RAPGEF5: variants seen among roughly 807,000 people sequenced by gnomAD.
The protein encoded by RAPGEF5 is Rap guanine nucleotide exchange factor 5.
In RAPGEF5, 65 loss-of-function variants were observed where a neutral mutation model predicts 125.2. That is an observed-to-expected ratio of 0.52 (90% CI 0.43 to 0.64). The LOEUF (loss-of-function observed/expected upper bound fraction) is 0.64. Among genes scored for constraint, RAPGEF5 ranks in the 30% least tolerant of loss-of-function variants. The probability of loss-of-function intolerance (pLI) is 0.00; values close to 1 mark genes in which losing one functional copy is unlikely to be tolerated. For missense variants in RAPGEF5, 958 were observed against 1,048.1 expected, an observed-to-expected ratio of 0.91 and a Z score of 1.19; for synonymous variants, 391 against 385.9, an observed-to-expected ratio of 1.01 and a Z score of -0.16.
Position 22,180,487 on chromosome 7 carries a change from A to C in RAPGEF5, c.1204+12880T>G, listed in dbSNP as rs576298256. 1.9e-4 allele frequency among the ~76,000 whole-genome samples: 29 copies of C among 152,330 alleles called. No homozygotes were observed. The South Asian group carries it at 6.0e-3, about 32-fold the overall frequency. On this transcript the variant is annotated intron_variant, in intron 11 of 25. Transcript: ENST00000665637. The stretch of plus-strand genomic sequence containing the variant: ...GTTATGCTAGTGTCCATCAGGGCCC[A>C]GGAAATCAAGTTCAAATAAGGAATC...
At chr7:22,262,581 T>C (rs1351962537) in intron 7 of RAPGEF5, among the ~76,000 whole-genome samples, 4 of 152,178 alleles carry the variant, frequency 2.6e-5, no homozygotes, top group African/African-American at 2.4e-5. Flanking sequence ...TGAGTATTTA[T>C]TCCAGAGAAA....
intron 17 of RAPGEF5, among the ~76,000 whole-genome samples, chr7:22,151,191 G>C (rs1783615039): frequency 6.6e-6 from 1 of 152,086 alleles, no homozygotes. Context: ...ACTGGGGTTT[G>C]GTAAATGGGA....
intron 1 of RAPGEF5, among the ~76,000 whole-genome samples, chr7:22,351,207 G>A (rs1784323296): frequency 6.6e-6 from 1 of 152,078 alleles, no homozygotes; most frequent in South Asian, 2.1e-4. Flanking sequence ...CTGATCTTGA[G>A]CTATTTTTAA....
At chr7:22,166,707 T>C (rs1784178672) in intron 12 of RAPGEF5, among the ~76,000 whole-genome samples, 1 of 152,230 alleles carries the variant, frequency 6.6e-6, no homozygotes, top group Non-Finnish European at 1.5e-5. Flanking sequence ...CTTAACTGAT[T>C]CTCCTTTAAG....
chr7:22,328,464 A>G (rs1583581870), intron 1 of RAPGEF5, among the ~76,000 whole-genome samples: 1 of 152,194 alleles, frequency 6.6e-6, no homozygotes, highest in Admixed American at 6.5e-5. Flanking sequence ...CAGTGTAACA[A>G]CCTGCCATCA....
chr7:22,283,191 A>T (rs1260275670), intron 6 of RAPGEF5, among the ~76,000 whole-genome samples: 3 of 152,176 alleles, frequency 2.0e-5, no homozygotes, highest in Non-Finnish European at 2.9e-5. Context: ...AATAATACAA[A>T]TGTCAACTAA....
chr7:22,126,328 T>G (rs1467969619), intron 24 of RAPGEF5, among the ~76,000 whole-genome samples: 1 of 152,220 alleles, frequency 6.6e-6, no homozygotes, highest in African/African-American at 2.4e-5. Context: ...CTTTCTGAGA[T>G]GTCCCTCCTG....
chr7:22,314,085 G>T (rs1783536240), intron 3 of RAPGEF5, among the ~76,000 whole-genome samples: 1 of 152,212 alleles, frequency 6.6e-6, no homozygotes, highest in Admixed American at 6.5e-5. Context: ...CTATGTAAAT[G>T]TTAATGTGAT....
At chr7:22,338,945 G>A (rs1420565470) in intron 1 of RAPGEF5, among the ~76,000 whole-genome samples, 1 of 152,176 alleles carries the variant, frequency 6.6e-6, no homozygotes, top group Non-Finnish European at 1.5e-5. Context: ...CCAGCACCAG[G>A]GAAAGGCGGC....
intron 5 of RAPGEF5, among the ~76,000 whole-genome samples, chr7:22,306,999 T>C (rs1783357786): frequency 6.6e-6 from 1 of 152,228 alleles, no homozygotes; most frequent in South Asian, 2.1e-4. Flanking sequence ...TCCTCCAGTT[T>C]TGCTGTTTTT....
At chr7:22,186,188 A>G (rs2128123424) in intron 11 of RAPGEF5, among the ~76,000 whole-genome samples, 2 of 152,294 alleles carry the variant, frequency 1.3e-5, no homozygotes, top group East Asian at 1.9e-4. Flanking sequence ...CGATTTTCAC[A>G]GTTTAAGATG....
chr7:22,251,799 A>AAAAAAAAAAAT (rs1562489273), intron 7 of RAPGEF5, among the ~76,000 whole-genome samples: 1 of 149,692 alleles, frequency 6.7e-6, no homozygotes, highest in Admixed American at 6.6e-5. Flanking sequence ...AAAAAAAAAA[A>AAAAAAAAAAAT]GTGGAGGTGC....
rs1786683018 is a variant in RAPGEF5 at position 22,253,857 on chromosome 7, G to C, written c.796+13107C>G. 2.0e-5 allele frequency among the ~76,000 whole-genome samples: 3 copies of C among 152,012 alleles called. No homozygotes were observed. In the South Asian group the frequency reaches 6.2e-4, roughly 32 times the overall value. ...AATATTAGCTATGTATTTACCAAAGGATCAAGGTAAAGTCTAATATGGTGC... is the reference window on the plus strand; with the variant it reads ...AATATTAGCTATGTATTTACCAAAGCATCAAGGTAAAGTCTAATATGGTGC... On this transcript the variant is annotated intron_variant, in intron 7 of 25. Coordinates refer to ENST00000665637, the MANE Select transcript of RAPGEF5 (RefSeq NM_012294.5).
intron 9 of RAPGEF5, among the ~76,000 whole-genome samples, chr7:22,195,181 C>T (rs1785118585): frequency 6.6e-6 from 1 of 152,056 alleles, no homozygotes; most frequent in South Asian, 2.1e-4. Context: ...AGAGGATATC[C>T]CCACCCCCAA....
chr7:22,315,422 C>A lies in RAPGEF5; in HGVS notation c.337G>T (p.Val113Phe), dbSNP rs190470489. Reference sequence around the variant, plus strand: ...TCCTTTATCAGGTCAGCTGCTTGAACGATAATAATATTCCTCAATGCTCTT... The same window carrying A: ...TCCTTTATCAGGTCAGCTGCTTGAAAGATAATAATATTCCTCAATGCTCTT... ...AGRALRNIII[V>F]QAADLIKDRV... Residue 113 changes from valine to phenylalanine, a missense_variant, in exon 3 of 26, where the codon GTT becomes TTT. Coordinates refer to ENST00000665637, the MANE Select transcript of RAPGEF5 (RefSeq NM_012294.5). 1 of 1,534,748 alleles carries A rather than the reference C, an allele frequency of 6.5e-7. No homozygotes were observed. The highest frequency in any genetic ancestry group is 2.5e-5 in the East Asian group (1 of 39,790).
At chr7:22,227,089 T>G (rs897458269) in intron 8 of RAPGEF5, among the ~76,000 whole-genome samples, 3 of 151,886 alleles carry the variant, frequency 2.0e-5, no homozygotes, top group Admixed American at 6.6e-5. Flanking sequence ...TCACTTCACA[T>G]GCTTGATTCC....
intron 7 of RAPGEF5, among the ~76,000 whole-genome samples, chr7:22,257,158 G>C (rs1786782426): frequency 6.6e-6 from 1 of 152,204 alleles, no homozygotes; most frequent in South Asian, 2.1e-4. Context: ...TTTACTACAA[G>C]ACATAAGATA....
At chr7:22,326,637 A>C (rs1562530100) in intron 1 of RAPGEF5, among the ~76,000 whole-genome samples, 1 of 152,172 alleles carries the variant, frequency 6.6e-6, no homozygotes, top group African/African-American at 2.4e-5. Flanking sequence ...ATTTAAGACT[A>C]TTTCCTCCCA....
intron 7 of RAPGEF5, among the ~76,000 whole-genome samples, chr7:22,233,263 G>A (rs1786103343): frequency 1.3e-5 from 2 of 152,132 alleles, no homozygotes; most frequent in Admixed American, 1.3e-4. Flanking sequence ...TTCTTGGAGG[G>A]CAAGCTGATC....
Sources: gnomAD v4.1 joint callset for allele counts (sites outside exome capture counted in the v4.1 genomes callset) on GRCh38, gnomAD v4.1.1 for gene constraint, MANE v1.5 for transcripts, NCBI Gene and HGNC (gene_info 2026-07-23, HGNC 2026-07-21) for gene names.